Variants in DPP10 observed in about 807,000 individuals in gnomAD.
DPP10 encodes the protein inactive dipeptidyl peptidase 10.
DPP10 carries 33 observed loss-of-function variants against 120.9 expected under a neutral mutation model. The observed-to-expected ratio is 0.27, with a 90% CI of 0.21 to 0.37. The LOEUF (loss-of-function observed/expected upper bound fraction) is 0.37, where lower values mean the gene tolerates loss of function less well. DPP10 is among the 10% of genes least tolerant of loss of function. The probability of loss-of-function intolerance (pLI) is 1.00; values close to 1 mark genes in which losing one functional copy is unlikely to be tolerated. For missense variants in DPP10, 816 were observed against 942.8 expected (o/e 0.87, Z 1.76); for synonymous variants, 337 against 326.1 (o/e 1.03, Z -0.36).
chr2:114,764,312 G>A (rs1286075056), intron 1 of DPP10, among the ~76,000 whole-genome samples: 1 of 79,018 alleles, frequency 1.3e-5, no homozygotes, highest in African/African-American at 4.7e-5. Context: ...TCATGTTTCT[G>A]TTACATTCAG....
chr2:114,760,589 T>C (rs962969286), intron 1 of DPP10, among the ~76,000 whole-genome samples: 5 of 151,842 alleles, frequency 3.3e-5, no homozygotes, highest in Non-Finnish European at 5.9e-5. Context: ...GACAAGTACC[T>C]ATCTCTCAAA....
intron 1 of DPP10, chr2:114,835,400 T>TTACACACCTATGTATATATAAGACATATC (rs1320702580): frequency 7.5e-5 from 11 of 146,094 alleles, no homozygotes; most frequent in Admixed American, 1.4e-4. Context: ...TAAGCCATAT[T>TTACACACCTATGTATATATAAGACATATC]TACACACCTA....
intron 1 of DPP10, among the ~76,000 whole-genome samples, chr2:114,452,002 T>G (rs1166705229): frequency 6.6e-6 from 1 of 152,200 alleles, no homozygotes; most frequent in Non-Finnish European, 1.5e-5. Flanking sequence ...AGGTTATTAA[T>G]AACTTATTAA....
At chr2:115,465,508 G>C (rs978399300) in intron 3 of DPP10, among the ~76,000 whole-genome samples, 3 of 152,134 alleles carry the variant, frequency 2.0e-5, no homozygotes, top group Non-Finnish European at 4.4e-5. Context: ...TAAGATTTGA[G>C]GAAAGTCTAA....
chr2:115,802,851 C>G (rs924160317), intron 19 of DPP10, among the ~76,000 whole-genome samples: 3 of 152,224 alleles, frequency 2.0e-5, no homozygotes, highest in Non-Finnish European at 2.9e-5. Flanking sequence ...TTACTTCCAA[C>G]TATGTGGTCA....
intron 1 of DPP10, among the ~76,000 whole-genome samples, chr2:114,618,389 G>C (rs1393027250): frequency 6.6e-6 from 1 of 151,986 alleles, no homozygotes; most frequent in East Asian, 1.9e-4. Context: ...TCTCAACACA[G>C]AGGTCAGAAA....
intron 1 of DPP10, among the ~76,000 whole-genome samples, chr2:114,549,546 A>G (rs1687699184): frequency 6.6e-6 from 1 of 151,788 alleles, no homozygotes; most frequent in Non-Finnish European, 1.5e-5. Context: ...CTGTAGTCCC[A>G]GCTACTCAGG....
intron 1 of DPP10, among the ~76,000 whole-genome samples, chr2:114,984,810 C>A (rs558632020): frequency 6.6e-6 from 1 of 152,176 alleles, no homozygotes; most frequent in East Asian, 1.9e-4. Flanking sequence ...TGAGACATGC[C>A]CGTGTTTGCC....
chr2:115,049,681 C>G (rs1705321246), intron 1 of DPP10, among the ~76,000 whole-genome samples: 1 of 152,168 alleles, frequency 6.6e-6, no homozygotes, highest in African/African-American at 2.4e-5. Context: ...ATCTGATATA[C>G]TCACTATATT....
intron 1 of DPP10, among the ~76,000 whole-genome samples, chr2:115,061,150 C>G (rs1472438555): frequency 6.6e-6 from 1 of 152,074 alleles, no homozygotes; most frequent in East Asian, 1.9e-4. Flanking sequence ...TGAGAAATGT[C>G]AAAAATCATC....
intron 5 of DPP10, among the ~76,000 whole-genome samples, chr2:115,630,963 GT>G (rs55653249): frequency 6.7e-6 from 1 of 149,184 alleles, no homozygotes; most frequent in Non-Finnish European, 1.5e-5. Flanking sequence ...GTTTGCAATA[GT>G]TTCAGAAGAA....
chr2:115,761,749 G>A (rs913588232), intron 11 of DPP10, among the ~76,000 whole-genome samples: 3 of 151,534 alleles, frequency 2.0e-5, no homozygotes, highest in Non-Finnish European at 4.4e-5. Flanking sequence ...ATCATAATAT[G>A]GATTTAGAAA....
intron 1 of DPP10, among the ~76,000 whole-genome samples, chr2:114,741,236 C>A (rs997227527): frequency 2.0e-5 from 3 of 152,162 alleles, no homozygotes; most frequent in African/African-American, 7.2e-5. Flanking sequence ...CCTTTCTGTA[C>A]CTTATCCCAG....
chr2:115,749,650 A>AT (rs1317502348), intron 10 of DPP10, among the ~76,000 whole-genome samples: 1 of 152,196 alleles, frequency 6.6e-6, no homozygotes, highest in Non-Finnish European at 1.5e-5. Context: ...CAAGTAATGC[A>AT]TAGTTATTAA....
At chr2:114,916,673 T>C (rs750642967) in intron 1 of DPP10, among the ~76,000 whole-genome samples, 9 of 152,266 alleles carry the variant, frequency 5.9e-5, no homozygotes, top group Non-Finnish European at 1.0e-4. Flanking sequence ...GTTCAACATA[T>C]GCAAATAAAT....
intron 1 of DPP10, among the ~76,000 whole-genome samples, chr2:115,016,474 CA>C (rs1702645307): frequency 6.6e-6 from 1 of 152,108 alleles, no homozygotes. Context: ...ACACCAAAAG[CA>C]ATGACAACAA....
chr2:114,587,396 T>C (rs1330806328), intron 1 of DPP10, among the ~76,000 whole-genome samples: 2 of 151,280 alleles, frequency 1.3e-5, no homozygotes, highest in Non-Finnish European at 2.9e-5. Context: ...CAAAATGGAC[T>C]AAGGTAGCCA....
At chr2:114,780,997 A>C (rs543731671) in intron 1 of DPP10, among the ~76,000 whole-genome samples, 17 of 152,290 alleles carry the variant, frequency 1.1e-4, no homozygotes, top group Non-Finnish European at 1.5e-4. Flanking sequence ...CTAGGATATA[A>C]GCTTCAAGTT....
chr2:115,616,891 G>A (rs890464330), intron 5 of DPP10, among the ~76,000 whole-genome samples: 2 of 151,976 alleles, frequency 1.3e-5, no homozygotes, highest in African/African-American at 4.8e-5. Flanking sequence ...ACTGCTCTAT[G>A]TTCAATCATC....
Sources: gnomAD v4.1 joint callset for allele counts (sites outside exome capture counted in the v4.1 genomes callset) on GRCh38, gnomAD v4.1.1 for gene constraint, MANE v1.5 for transcripts, NCBI Gene and HGNC (gene_info 2026-07-23, HGNC 2026-07-21) for gene names.